Variants in ALMS1 observed in about 807,000 individuals in gnomAD.
ALMS1 encodes the protein centrosome-associated protein ALMS1.
ALMS1 carries 271 observed loss-of-function variants against 352.2 expected under a neutral mutation model. The observed-to-expected ratio is 0.77, with a 90% CI of 0.70 to 0.85. ALMS1 has a LOEUF of 0.85. Among genes scored for constraint, ALMS1 ranks in the 40% least tolerant of loss-of-function variants. The probability of loss-of-function intolerance (pLI) is 0.00; values close to 1 mark genes in which losing one functional copy is unlikely to be tolerated. For missense variants in ALMS1, 5,445 were observed against 4,870.7 expected (o/e 1.12, Z -3.51); for synonymous variants, 1,865 against 1,761.2 (o/e 1.06, Z -1.48).
rs536950181 is a variant in ALMS1, at chr2:73,448,714, G to A, written c.2187G>A (p.Glu729=). ...REKPGIFYQQ[E]FADSHQTEET... ...AGCCTGGTATTTTTTACCAACAAGA[G>A]TTCGCAGACAGTCATCAAACTGAAG... Residue 729 remains glutamate (E), a synonymous_variant, in exon 8 of 23, where the codon GAG becomes GAA. Coordinates refer to ENST00000613296, the MANE Select transcript of ALMS1 (RefSeq NM_001378454.1). 20 of 1,605,240 alleles carry A rather than the reference G, an allele frequency of 1.2e-5. No homozygotes were observed. In the East Asian group the frequency reaches 2.9e-4, roughly 23 times the overall value.
chr2:73,535,511 G>A (rs1364558995), intron 12 of ALMS1, among the ~76,000 whole-genome samples: 1 of 152,124 alleles, frequency 6.6e-6, no homozygotes, highest in African/African-American at 2.4e-5. Flanking sequence ...TTTTATTACA[G>A]CAGCTGCCAA....
chr2:73,608,127 G>A (rs923684618), intron 21 of ALMS1, among the ~76,000 whole-genome samples: 5 of 152,096 alleles, frequency 3.3e-5, no homozygotes, highest in Non-Finnish European at 7.3e-5. Flanking sequence ...CAATAGTAAC[G>A]CTGTTCATTA....
chr2:73,597,711 G>A (rs1573050869), intron 16 of ALMS1, among the ~76,000 whole-genome samples: 1 of 151,672 alleles, frequency 6.6e-6, no homozygotes, highest in African/African-American at 2.4e-5. Flanking sequence ...GTTATGGCTT[G>A]CCTAAATAGA....
chr2:73,448,517 G>T lies in ALMS1; in HGVS notation c.1990G>T (p.Val664Leu), dbSNP rs754619355. 6 of 1,613,880 alleles carry T rather than the reference G, an allele frequency of 3.7e-6. No homozygotes were observed. The highest frequency in any genetic ancestry group is 4.2e-6 in the Non-Finnish European group (5 of 1,179,878). ...GGAGCAGAAGACGGGAATACCTACA[G>T]TATCCTCTACATCCCACTCACATGT... ...PVEQKTGIPT[V>L]SSTSHSHVED... The change falls in exon 8 of 23, where the codon GTA becomes TTA. Residue 664 changes from valine (V) to leucine (L), a missense_variant. Val to Leu is a conservative substitution (Grantham distance 32). Transcript: ENST00000613296.
rs745501026 is a variant in ALMS1 at position 73,448,334 on chromosome 2, G to T, written c.1807G>T (p.Ala603Ser). ...HLTEEALKVS[A>S]APGLADQTTG... ...AACTGAAGAGGCTTTGAAAGTTTCA[G>T]CTGCTCCTGGACTAGCTGACCAGAC... Residue 603 changes from alanine to serine, a missense_variant, in exon 8 of 23, where the codon GCT becomes TCT. Physicochemically the swap from Ala to Ser is moderately conservative, Grantham distance 99 (BLOSUM62 1). Transcript: ENST00000613296. 1.2e-6 allele frequency: 2 copies of T among 1,613,972 alleles called. No homozygotes were observed. The highest frequency in any genetic ancestry group is 1.1e-5 in the South Asian group (1 of 91,084).
chr2:73,556,664 C>G (rs1379170628), intron 13 of ALMS1, among the ~76,000 whole-genome samples: 5 of 143,250 alleles, frequency 3.5e-5, no homozygotes, highest in Non-Finnish European at 6.0e-5. Flanking sequence ...TTTACTGTTG[C>G]ATCAAACCAT....
At position 73,603,353 on chromosome 2, in the gene ALMS1, C is replaced by T. The variant is rs183312425; in HGVS notation, c.12362+49C>T. 1.8e-5 allele frequency: 28 copies of T among 1,570,816 alleles called. No homozygotes were observed. In the Admixed American group the frequency reaches 2.7e-4, roughly 15 times the overall value. On this transcript the variant is annotated intron_variant, in intron 21 of 22. Coordinates refer to ENST00000613296, the MANE Select transcript of ALMS1 (RefSeq NM_001378454.1). ...CGTATACAAGTGTAAACCAGGCCAC[C>T]AAGTGGTCGGGAGCTCTGGCTTGCA...
rs767732202 is a variant in ALMS1, at chr2:73,448,833, A to G, written c.2306A>G (p.Lys769Arg). Residue 769 changes from lysine to arginine, a missense_variant, in exon 8 of 23, where the codon AAG (lysine) becomes AGG (arginine). By Grantham distance (26) the Lys-to-Arg change is conservative. Transcript: ENST00000613296. ...TCTAGTTCTTACTCACAAAGAGAAA[A>G]GCCTAGTATTTTGTACCCACAGGAC... ...VQSSSYSQRE[K>R]PSILYPQDLA... 13 of 1,613,990 alleles carry G rather than the reference A, an allele frequency of 8.1e-6. No homozygotes were observed. Among genetic ancestry groups the G allele is most frequent in the Non-Finnish European group, 1.0e-5 (12 of 1,179,960 alleles).
chr2:73,574,622 G>A (rs1230265709), intron 16 of ALMS1, among the ~76,000 whole-genome samples: 2 of 152,018 alleles, frequency 1.3e-5, no homozygotes, highest in African/African-American at 4.8e-5. Context: ...TGAGCTTTTG[G>A]CAGTGTTTAC....
In ALMS1 at chr2:73,572,310, G is replaced by A. The variant is rs893973875; in HGVS notation, c.10433G>A (p.Arg3478Lys). 3 of 1,606,586 alleles carry A rather than the reference G, an allele frequency of 1.9e-6. No individual in the cohort carries two copies. Among genetic ancestry groups the A allele is most frequent in the African/African-American group, 2.7e-5 (2 of 74,424 alleles). ...EFENTTRSVF[R>K]SAKFYIHHPV... ...GAAAATACTACCCGTTCTGTCTTCA[G>A]GTCAGCAAAGTTTTACATTCATCAT... Residue 3478 changes from arginine to lysine, a missense_variant, in exon 16 of 23, where the codon AGG becomes AAG. Arg to Lys is a conservative substitution (Grantham distance 26, BLOSUM62 2). Transcript: ENST00000613296.
intron 16 of ALMS1, 73 bp from the exon 17 acceptor site, chr2:73,599,328 G>T (rs892490222): frequency 6.3e-7 from 1 of 1,583,794 alleles, no homozygotes. Flanking sequence ...AGGACTTGTT[G>T]GCTTGCTTAT....
At chr2:73,399,256 A>G (rs1036827457) in intron 1 of ALMS1, among the ~76,000 whole-genome samples, 2 of 152,198 alleles carry the variant, frequency 1.3e-5, no homozygotes. Context: ...TTATTGCATT[A>G]GCTATGACCT....
At chr2:73,462,556 C>T (rs1672228947) in intron 9 of ALMS1, among the ~76,000 whole-genome samples, 1 of 152,160 alleles carries the variant, frequency 6.6e-6, no homozygotes, top group Non-Finnish European at 1.5e-5. Context: ...AACTAATGAG[C>T]AAAATAACCA....
chr2:73,448,060 C>T lies in ALMS1; in HGVS notation c.1533C>T (p.Ser511=), dbSNP rs753538515. 2.5e-6 allele frequency: 4 copies of T among 1,613,776 alleles called. No individual in the cohort carries two copies. In the South Asian group the frequency reaches 4.4e-5, roughly 18 times the overall value. ...PVDSDIGSHL[S]LSLEDLSQLA... ...ATTCAGACATTGGATCTCATTTATCCTTGTCCCTTGAGGACCTGTCTCAGT... is the reference window on the plus strand; with the variant it reads ...ATTCAGACATTGGATCTCATTTATCTTTGTCCCTTGAGGACCTGTCTCAGT... The change falls in exon 8 of 23, where the codon TCC becomes TCT. Residue 511 remains serine, a synonymous_variant. Transcript: ENST00000613296.
At chr2:73,434,695 T>C (rs2103739890) in intron 7 of ALMS1, among the ~76,000 whole-genome samples, 1 of 152,362 alleles carries the variant, frequency 6.6e-6, no homozygotes. Context: ...TCTTCAACTC[T>C]TTTTGTTTAA....
intron 11 of ALMS1, among the ~76,000 whole-genome samples, chr2:73,528,727 A>G (rs1280310441): frequency 4.6e-5 from 7 of 150,850 alleles, no homozygotes; most frequent in African/African-American, 2.4e-5. Flanking sequence ...ACTGCTTTTT[A>G]TTTTTTATTT....
chr2:73,538,301 A>G (rs1674075975), intron 12 of ALMS1, among the ~76,000 whole-genome samples: 1 of 152,244 alleles, frequency 6.6e-6, no homozygotes, highest in South Asian at 2.1e-4. Context: ...ACACCTGAAA[A>G]TCTTCTCTAT....
intron 11 of ALMS1, among the ~76,000 whole-genome samples, chr2:73,527,244 CTT>C (rs566724853): frequency 2.9e-5 from 4 of 140,272 alleles, no homozygotes; most frequent in East Asian, 2.1e-4. Context: ...TCTTTTTTCT[CTT>C]TTTTTTTTTT....
At chr2:73,608,649 C>T in intron 22 of ALMS1, 75 bp downstream of exon 22, 2 of 1,194,236 alleles carry the variant, frequency 1.7e-6, no homozygotes, top group South Asian at 1.3e-5. Context: ...AACACGTTGC[C>T]TGTTGAGTGT....
Sources: gnomAD v4.1 joint callset for allele counts (sites outside exome capture counted in the v4.1 genomes callset) on GRCh38, gnomAD v4.1.1 for gene constraint, MANE v1.5 for transcripts, NCBI Gene and HGNC (gene_info 2026-07-23, HGNC 2026-07-21) for gene names.